MALRD1: variants seen among roughly 807,000 people sequenced by gnomAD.
MALRD1 encodes MAM and LDL receptor class A domain containing 1, also known as MAM and LDL-receptor class A domain-containing protein 1.
Under a neutral mutation model 242.1 loss-of-function variants are expected in MALRD1, and 247 were observed. That is an observed-to-expected ratio of 1.02 (90% CI 0.92 to 1.13). The LOEUF is 1.13. Among genes scored for constraint, MALRD1 ranks in the 50% most tolerant of loss-of-function variants. The pLI is 0.00. For synonymous variants in MALRD1, 995 were observed against 866.6 expected (o/e 1.15, Z -2.60); for missense variants, 2,989 against 2,533.1 (o/e 1.18, Z -3.86).
At chr10:19,533,858 G>A (rs1250649823) in intron 32 of MALRD1, among the ~76,000 whole-genome samples, 1 of 152,200 alleles carries the variant, frequency 6.6e-6, no homozygotes, top group African/African-American at 2.4e-5. Context: ...GACTGCCACA[G>A]TGACTTGCTT....
At chr10:19,149,126 A>ATCT (rs57466161) in intron 11 of MALRD1, among the ~76,000 whole-genome samples, 9 of 151,116 alleles carry the variant, frequency 6.0e-5, no homozygotes, top group South Asian at 2.1e-4. Flanking sequence ...CTATCTATCT[A>ATCT]ACTAGCTGAG....
chr10:19,217,726 A>G (rs921512951), intron 18 of MALRD1, among the ~76,000 whole-genome samples: 9 of 151,924 alleles, frequency 5.9e-5, no homozygotes, highest in Non-Finnish European at 1.2e-4. Flanking sequence ...GGATTTCGCT[A>G]TGTTGGCCAG....
Position 19,203,765 on chromosome 10 carries a change from G to T in MALRD1, c.1989G>T (p.Trp663Cys). ...KCDFEANSCD[W>C]FEAISGDHFD... The stretch of plus-strand genomic sequence containing the variant: ...ACTTTGAAGCAAACAGCTGTGATTG[G>T]TTTGAAGCAATTAGTGGTGACCATT... Residue 663 changes from tryptophan (W) to cysteine (C), a missense_variant, in exon 15 of 40, where the codon TGG becomes TGT. Physicochemically the swap from Trp to Cys is radical, Grantham distance 215. Transcript: ENST00000454679. 6.5e-7 allele frequency: 1 copy of T among 1,549,730 alleles called. No individual in the cohort carries two copies.
chr10:19,094,205 T>G (rs28846112), intron 4 of MALRD1, among the ~76,000 whole-genome samples: 6,153 of 62,962 alleles, frequency 0.098, 413 homozygotes, highest in African/African-American at 0.12. Flanking sequence ...TTGCTGCCTT[T>G]CAGTTTGATC....
chr10:19,461,086 A>C (rs374484848), intron 29 of MALRD1, among the ~76,000 whole-genome samples: 1 of 152,206 alleles, frequency 6.6e-6, no homozygotes, highest in African/African-American at 2.4e-5. Context: ...CATGCATTGA[A>C]TAAGTGACAA....
intron 24 of MALRD1, among the ~76,000 whole-genome samples, chr10:19,332,487 A>G (rs1374134873): frequency 1.3e-5 from 2 of 152,186 alleles, no homozygotes; most frequent in Non-Finnish European, 2.9e-5. Flanking sequence ...CTAAGCCTGT[A>G]AGATTGTGCA....
intron 38 of MALRD1, among the ~76,000 whole-genome samples, chr10:19,723,665 C>T (rs1039423483): frequency 6.6e-6 from 1 of 150,750 alleles, no homozygotes; most frequent in Admixed American, 6.6e-5. Flanking sequence ...TCGCTTGGGC[C>T]CAGGAGTTCA....
At chr10:19,442,927 A>T (rs544164310) in intron 28 of MALRD1, among the ~76,000 whole-genome samples, 2 of 152,096 alleles carry the variant, frequency 1.3e-5, no homozygotes, top group African/African-American at 4.8e-5. Flanking sequence ...TGGTAGAATT[A>T]GGCTGTGAAT....
At chr10:19,060,145 T>C (rs1164334427) in intron 1 of MALRD1, among the ~76,000 whole-genome samples, 1 of 152,188 alleles carries the variant, frequency 6.6e-6, no homozygotes, top group African/African-American at 2.4e-5. Context: ...GTCTGGGCTC[T>C]CTTTTGTGTG....
At chr10:19,455,837 G>A (rs571480923) in intron 29 of MALRD1, among the ~76,000 whole-genome samples, 78 of 152,308 alleles carry the variant, frequency 5.1e-4, no homozygotes, top group African/African-American at 1.8e-3. Context: ...GGGCTGAAAT[G>A]TGTGCATTCC....
At chr10:19,312,230 ACAAACTTATC>A (rs1303244519) in intron 21 of MALRD1, among the ~76,000 whole-genome samples, 15 of 151,334 alleles carry the variant, frequency 9.9e-5, no homozygotes, top group African/African-American at 3.4e-4. Context: ...AAGAACTAGA[ACAAACTTATC>A]TGTTTTTCCA....
At chr10:19,199,817 TA>T (rs1365971087) in intron 14 of MALRD1, among the ~76,000 whole-genome samples, 3 of 150,586 alleles carry the variant, frequency 2.0e-5, no homozygotes, top group Admixed American at 1.3e-4. Context: ...AATAAATAAA[TA>T]AAATAAAATA....
chr10:19,348,048 A>T (rs143133028), intron 25 of MALRD1, 30 bp downstream of exon 25: 4 of 1,541,162 alleles, frequency 2.6e-6, no homozygotes, highest in Non-Finnish European at 3.5e-6. Context: ...AACCAACCAA[A>T]CAAACACAGA....
intron 5 of MALRD1, among the ~76,000 whole-genome samples, chr10:19,108,256 C>G (rs1836540302): frequency 6.6e-6 from 1 of 151,944 alleles, no homozygotes; most frequent in South Asian, 2.1e-4. Flanking sequence ...CATCCTTGTT[C>G]TACTAGTGTG....
At chr10:19,597,433 G>C (rs1401224325) in intron 34 of MALRD1, among the ~76,000 whole-genome samples, 1 of 152,180 alleles carries the variant, frequency 6.6e-6, no homozygotes, top group Non-Finnish European at 1.5e-5. Context: ...ATAAGGCCAC[G>C]TTAGAAATAG....
At chr10:19,218,910 A>G (rs1259761242) in intron 18 of MALRD1, among the ~76,000 whole-genome samples, 2 of 152,158 alleles carry the variant, frequency 1.3e-5, no homozygotes, top group African/African-American at 4.8e-5. Context: ...AGCAGCTTGA[A>G]GGCTAATAAT....
chr10:19,547,819 T>TATATATATATATATATA lies in MALRD1; in HGVS notation c.5478+16468_5478+16469insATATATATATATATATA, dbSNP rs1491504993. On this transcript the variant is annotated intron_variant, in intron 32 of 39. Transcript: ENST00000454679. ...ATATATATATATATATATATATATA[T>TATATATATATATATATA]TTTTTTTTTTTTTTTTTTTTTTTTT... Among the ~76,000 whole-genome samples the TATATATATATATATATA allele has an allele frequency of 5.8e-3, 72 of 12,488 alleles. 1 individual carries two copies. Among genetic ancestry groups the TATATATATATATATATA allele is most frequent in the Non-Finnish European group, 9.7e-3 (58 of 5,974 alleles). The allele number at this position is 12,488 out of a possible 152,430, so 8.2% of individuals were successfully genotyped here.
chr10:19,447,063 T>TAG (rs1835030948), intron 28 of MALRD1, among the ~76,000 whole-genome samples: 1 of 64,456 alleles, frequency 1.6e-5, no homozygotes, highest in East Asian at 6.2e-4. Flanking sequence ...CACACACACA[T>TAG]ACACAGACAC....
At chr10:19,250,281 A>G (rs1839241546) in intron 18 of MALRD1, among the ~76,000 whole-genome samples, 1 of 151,976 alleles carries the variant, frequency 6.6e-6, no homozygotes, top group South Asian at 2.1e-4. Flanking sequence ...ATAGCTCTGA[A>G]CCTTCTTCAC....
Sources: allele counts gnomAD v4.1 joint callset (sites outside exome capture counted in the v4.1 genomes callset), GRCh38; gene constraint gnomAD v4.1.1; transcripts MANE v1.5; gene names NCBI Gene and HGNC (gene_info 2026-07-23, HGNC 2026-07-21).